Variants in ADGRF1 observed in about 807,000 individuals in gnomAD.
ADGRF1 encodes adhesion G protein-coupled receptor F1.
A neutral mutation model predicts 87.2 loss-of-function variants in ADGRF1; 85 were observed. The ratio of observed to expected loss-of-function variants is 0.97; its 90% confidence interval spans 0.82 to 1.17. ADGRF1 has a LOEUF of 1.17. Among genes scored for constraint, ADGRF1 ranks in the 50% most tolerant of loss-of-function variants. ADGRF1 has a pLI of 0.00. For synonymous variants in ADGRF1, 430 were observed against 408.8 expected, an observed-to-expected ratio of 1.05 and a Z score of -0.63; for missense variants, 1,169 against 1,077.2, an observed-to-expected ratio of 1.09 and a Z score of -1.19.
rs756327521 is a variant in ADGRF1 at position 47,029,020 on chromosome 6, G to A, written c.42C>T (p.Phe14=). The A allele has an allele frequency of 1.9e-6, 3 of 1,614,112 alleles. No homozygotes were observed. The South Asian group carries it at 3.3e-5, about 18-fold the overall frequency. The change falls in exon 2 of 15, where the codon TTC becomes TTT. Residue 14 remains phenylalanine (F), a synonymous_variant. Transcript: ENST00000371253. ...CCAGGAAGCCACCGTGGCCGTCAGTGAAGGTGAAGAAAGAAATGAGCCACA... is the reference window on the plus strand; with the variant it reads ...CCAGGAAGCCACCGTGGCCGTCAGTAAAGGTGAAGAAAGAAATGAGCCACA... ...GVLWLISFFT[F]TDGHGGFLGK...
At chr6:47,033,237 G>A (rs555920705) in intron 1 of ADGRF1, among the ~76,000 whole-genome samples, 13 of 152,280 alleles carry the variant, frequency 8.5e-5, no homozygotes, top group Admixed American at 5.9e-4. Context: ...CGCCCCCTCC[G>A]CACTTCCTTG....
intron 13 of ADGRF1, among the ~76,000 whole-genome samples, 156 bp downstream of exon 13, chr6:47,005,661 C>T (rs527999655): frequency 2.6e-5 from 4 of 152,328 alleles, no homozygotes; most frequent in Non-Finnish European, 5.9e-5. Context: ...TTTACTACCA[C>T]TCATGTGCCA....
intron 1 of ADGRF1, among the ~76,000 whole-genome samples, chr6:47,030,635 T>G (rs1402406149): frequency 6.7e-6 from 1 of 149,466 alleles, no homozygotes; most frequent in Non-Finnish European, 1.5e-5. Context: ...GGATATTTTC[T>G]ACTTGTTTTT....
At chr6:47,027,040 TAC>T (rs1356947551) in intron 3 of ADGRF1, among the ~76,000 whole-genome samples, 2 of 152,226 alleles carry the variant, frequency 1.3e-5, no homozygotes, top group East Asian at 3.8e-4. Context: ...ATGACCACTG[TAC>T]CAGACTCAGA....
chr6:47,010,118 GC>G lies in ADGRF1; in HGVS notation c.1316del (p.Ser439ThrfsTer27). 1 of 1,614,124 alleles carries G rather than the reference GC, an allele frequency of 6.2e-7. No individual in the cohort carries two copies. The highest frequency in any genetic ancestry group is 8.5e-7 in the Non-Finnish European group (1 of 1,180,014). On this transcript the variant is annotated frameshift_variant, in exon 11 of 15. Transcript: ENST00000371253. LOFTEE classifies it high-confidence loss of function. Reference protein sequence around the residue: ...IDWKGIPVNKSQLKRGYSYQI... With the variant: ...IDWKGIPVNKXQLKRGYSYQI... ...GATAGCTGTAACCCCTTTTGAGTTG[GC>G]TTTTGTTCACTGGAATCCCTTTCCA... is the stretch of plus-strand genomic sequence containing the variant.
chr6:47,026,038 C>T (rs1780222518), intron 3 of ADGRF1, 35 bp from the exon 4 acceptor site: 1 of 1,531,342 alleles, frequency 6.5e-7, no homozygotes, highest in African/African-American at 1.4e-5. Context: ...ACCTTTTTTT[C>T]TGTCCTTGGG....
At chr6:47,029,709 G>A (rs1421342524) in intron 1 of ADGRF1, among the ~76,000 whole-genome samples, 2 of 152,130 alleles carry the variant, frequency 1.3e-5, no homozygotes, top group Non-Finnish European at 2.9e-5. Context: ...CAAAATGTTA[G>A]AATTGTTCTG....
In ADGRF1 at chr6:47,012,129, C is replaced by G; in HGVS notation, c.994G>C (p.Val332Leu). The G allele has an allele frequency of 6.2e-7, 1 of 1,614,054 alleles. No homozygotes were observed. The highest frequency in any genetic ancestry group is 8.5e-7 in the Non-Finnish European group (1 of 1,179,932). ...AVSSFVQNLS[V>L]IIRQNPSTTV... ...GTTGATGGGTTTTGCCGAATGATGA[C>G]AGAAAGATTTTGCACGAAGGATGAC... is the stretch of plus-strand genomic sequence containing the variant. The change falls in exon 10 of 15, where the codon GTC becomes CTC. Residue 332 changes from valine (V) to leucine (L), a missense_variant. Physicochemically the swap from Val to Leu is conservative, Grantham distance 32. Transcript: ENST00000371253.
chr6:47,014,754 G>T lies in ADGRF1; in HGVS notation c.854C>A (p.Ala285Asp), dbSNP rs1006431643. Residue 285 changes from alanine (A) to aspartate (D), a missense_variant, in exon 9 of 15, where the codon GCC becomes GAC. Transcript: ENST00000371253. ...CTGCCACCCAGAGGACTCACACTTG[G>T]CTGTGATGTTTCCCCTGTAGCCACT... ...CSSGYRGNIT[A>D]KCESSGWQVI... 4 of 1,613,974 alleles carry T rather than the reference G, an allele frequency of 2.5e-6. No homozygotes were observed. Among genetic ancestry groups the T allele is most frequent in the Non-Finnish European group, 3.4e-6 (4 of 1,179,958 alleles).
Position 47,016,773 on chromosome 6 carries a change from A to G in ADGRF1, c.612-5T>C. 1 of 1,578,598 alleles carries G rather than the reference A, an allele frequency of 6.3e-7. No individual in the cohort carries two copies. The highest frequency in any genetic ancestry group is 8.7e-7 in the Non-Finnish European group (1 of 1,154,774). On this transcript the variant is annotated splice_region_variant and splice_polypyrimidine_tract_variant and intron_variant, in intron 7 of 14. Transcript: ENST00000371253. ...CCAGCAACGATGCTTCCATTTCTGC[A>G]GTGATTATGGGGAAAGAGAAATGAG...
intron 1 of ADGRF1, among the ~76,000 whole-genome samples, chr6:47,034,424 A>G (rs893358208): frequency 2.0e-5 from 3 of 152,226 alleles, no homozygotes; most frequent in Non-Finnish European, 4.4e-5. Flanking sequence ...GAATTTAATT[A>G]TTGGGTTCAG....
Position 47,019,267 on chromosome 6 carries a change from A to G in ADGRF1, c.611+1464T>C. On this transcript the variant is annotated intron_variant, in intron 7 of 14. Coordinates refer to ENST00000371253, the MANE Select transcript of ADGRF1 (RefSeq NM_153840.4). Reference sequence around the variant, plus strand: ...GAATATTGAAAGTATGATCAACTGTATAAACCTCAATATAAAAAAAAGCAG... The same window carrying G: ...GAATATTGAAAGTATGATCAACTGTGTAAACCTCAATATAAAAAAAAGCAG... 4 of 952,876 alleles carry G rather than the reference A, an allele frequency of 4.2e-6. No homozygotes were observed. The South Asian group carries it at 1.9e-4, about 46-fold the overall frequency. The allele number at this position is 952,876 out of a possible 1,614,324, so 59.0% of individuals were successfully genotyped here. A position where few individuals can be genotyped will look rare whatever the true frequency, so the allele number is the denominator to read the frequency against.
In ADGRF1 at chr6:46,998,824, C is replaced by G. The variant is rs778277899; in HGVS notation, c.*1398G>C. The stretch of plus-strand genomic sequence containing the variant: ...ACATATTTGTGGGGTATAGAACCAT[C>G]TAACTGATCCTCAGTCATTTCCTTT... On this transcript the variant is annotated 3_prime_UTR_variant, in exon 15 of 15. Transcript: ENST00000371253. The G allele has an allele frequency of 6.6e-6, 1 of 152,232 alleles. No individual in the cohort carries two copies. 9.4% of individuals were successfully genotyped at this position (152,232 alleles called of 1,614,324 possible).
rs139779486 is a variant in ADGRF1 at position 47,023,780 on chromosome 6, A to G, written c.451+264T>C. Reference sequence around the variant, plus strand: ...TTGGAATTTTAGCAACTCTTCCTCAATCTCAATAAAATCATATGATTGCAG... The same window carrying G: ...TTGGAATTTTAGCAACTCTTCCTCAGTCTCAATAAAATCATATGATTGCAG... On this transcript the variant is annotated intron_variant, in intron 5 of 14. Transcript: ENST00000371253. Among the ~76,000 whole-genome samples, 4 of 152,274 alleles carry G rather than the reference A, an allele frequency of 2.6e-5. No homozygotes were observed. The East Asian group carries it at 5.8e-4, about 22-fold the overall frequency.
In ADGRF1 at chr6:47,011,996, G is replaced by A; in HGVS notation, c.1116+11C>T. Reference sequence around the variant, plus strand: ...TTTAAAGTGAGCCCTTCAAGCACAGGCAGACCATACCTCCATTGTTGAATT... The same window carrying A: ...TTTAAAGTGAGCCCTTCAAGCACAGACAGACCATACCTCCATTGTTGAATT... On this transcript the variant is annotated intron_variant, in intron 10 of 14. Coordinates refer to ENST00000371253, the MANE Select transcript of ADGRF1 (RefSeq NM_153840.4). The A allele has an allele frequency of 6.2e-7, 1 of 1,608,686 alleles. No homozygotes were observed. The highest frequency in any genetic ancestry group is 1.1e-5 in the South Asian group (1 of 90,838).
chr6:47,004,233 C>T lies in ADGRF1; in HGVS notation c.2592+1584G>A, dbSNP rs569538760. Among the ~76,000 whole-genome samples the T allele has an allele frequency of 7.2e-5, 11 of 152,274 alleles. No homozygotes were observed. The South Asian group carries it at 1.4e-3, about 20-fold the overall frequency. On this transcript the variant is annotated intron_variant, in intron 13 of 14. Transcript: ENST00000371253. ...TCATCAAGTGTGATCTCTTTCTCAC[C>T]TTCTCATCATCTGTCATTTGGGGTC... is the stretch of plus-strand genomic sequence containing the variant.
chr6:47,031,043 A>G (rs555767626), intron 1 of ADGRF1, among the ~76,000 whole-genome samples: 1 of 152,316 alleles, frequency 6.6e-6, no homozygotes, highest in African/African-American at 2.4e-5. Flanking sequence ...GATTACAGGC[A>G]TAAGCCACCA....
chr6:47,020,816 G>C, intron 6 of ADGRF1, 27 bp from the exon 7 acceptor site: 1 of 1,570,364 alleles, frequency 6.4e-7, no homozygotes, highest in Non-Finnish European at 8.8e-7. Flanking sequence ...AGAACAATGT[G>C]TTAATTGTTC....
rs779333542 is a variant in ADGRF1, at chr6:47,021,992, A to G, written c.518T>C (p.Ile173Thr). ...TNDLLNSSSA[I>T]YSKYANGIEI... ...AATTCCATTTGCATATTTGGAGTATATAGCAGAAGATGAATTCAAAAGGTC... is the reference window on the plus strand; with the variant it reads ...AATTCCATTTGCATATTTGGAGTATGTAGCAGAAGATGAATTCAAAAGGTC... The change falls in exon 6 of 15, where the codon ATA (isoleucine) becomes ACA (threonine). Residue 173 changes from isoleucine to threonine, a missense_variant. Transcript: ENST00000371253. 48 of 1,592,446 alleles carry G rather than the reference A, an allele frequency of 3.0e-5. No homozygotes were observed. The highest frequency in any genetic ancestry group is 3.8e-5 in the Non-Finnish European group (45 of 1,169,710).
Sources: gnomAD v4.1 joint callset for allele counts (sites outside exome capture counted in the v4.1 genomes callset) on GRCh38, gnomAD v4.1.1 for gene constraint, MANE v1.5 for transcripts, NCBI Gene and HGNC (gene_info 2026-07-23, HGNC 2026-07-21) for gene names.